Variants in CUX1 observed in about 807,000 individuals in gnomAD.
The protein encoded by CUX1 is protein CASP.
CUX1 carries 31 observed loss-of-function variants against 158.8 expected under a neutral mutation model. The ratio of observed to expected loss-of-function variants is 0.20; its 90% CI spans 0.15 to 0.26. CUX1 has a LOEUF of 0.26. CUX1 is among the 10% of genes least tolerant of loss of function. CUX1 has a pLI of 1.00. For synonymous variants in CUX1, 879 were observed against 862.1 expected (o/e 1.02, Z -0.34); for missense variants, 1,589 against 2,014.6 (o/e 0.79, Z 4.04).
chr7:101,829,023 A>C (rs1338744465), intron 1 of CUX1, among the ~76,000 whole-genome samples: 1 of 152,160 alleles, frequency 6.6e-6, no homozygotes, highest in Non-Finnish European at 1.5e-5. Context: ...CTTTAAGGTC[A>C]GTGGAAAAGT....
At chr7:102,067,229 CTTTTTTTTTT>C (rs34912215) in intron 3 of CUX1, among the ~76,000 whole-genome samples, 2 of 94,018 alleles carry the variant, frequency 2.1e-5, no homozygotes, top group Non-Finnish European at 3.9e-5. Context: ...TTTCATGTAA[CTTTTTTTTTT>C]TTTTTTTTTT....
At chr7:101,890,505 T>G (rs1318857187) in intron 1 of CUX1, among the ~76,000 whole-genome samples, 2 of 147,598 alleles carry the variant, frequency 1.4e-5, no homozygotes, top group African/African-American at 2.5e-5. Flanking sequence ...GCATGAGGGG[T>G]GCAAAGTGCT....
At chr7:101,990,487 C>T (rs895960328) in intron 2 of CUX1, among the ~76,000 whole-genome samples, 4 of 152,080 alleles carry the variant, frequency 2.6e-5, no homozygotes, top group South Asian at 2.1e-4. Flanking sequence ...AGCGATTCTC[C>T]TGCCTCAGCC....
At chr7:102,242,300 C>T (rs1800319411) in intron 23 of CUX1, among the ~76,000 whole-genome samples, 1 of 149,480 alleles carries the variant, frequency 6.7e-6, no homozygotes, top group Non-Finnish European at 1.5e-5. Context: ...CAACCTCTGC[C>T]TCCTAGGTTC....
chr7:102,166,833 A>C (rs189269135), intron 9 of CUX1, among the ~76,000 whole-genome samples: 1 of 152,226 alleles, frequency 6.6e-6, no homozygotes, highest in East Asian at 1.9e-4. Flanking sequence ...CTGAATAACT[A>C]TGTGATCAGA....
Position 102,210,288 on chromosome 7 carries a change from G to A in CUX1, c.3130+5118G>A, listed in dbSNP as rs182943779. ...ATTTTTGTATTTTTAATAGAGATGG[G>A]GTTTCACCATGTTGGCCAGGCTAGT... On this transcript the variant is annotated intron_variant, in intron 20 of 23. Coordinates refer to ENST00000292535, the MANE Select transcript of CUX1 (RefSeq NM_181552.4). 2.5e-3 allele frequency among the ~76,000 whole-genome samples: 383 copies of A among 152,194 alleles called. 1 individual carries two copies. The highest frequency in any genetic ancestry group is 8.5e-3 in the African/African-American group (353 of 41,524).
At chr7:102,211,557 C>T (rs549440909) in intron 20 of CUX1, among the ~76,000 whole-genome samples, 5 of 150,964 alleles carry the variant, frequency 3.3e-5, no homozygotes, top group African/African-American at 1.2e-4. Context: ...GAGGCAGGTG[C>T]ATCACCTGAC....
chr7:102,265,366 AAAAGAG>A (rs1790728503), intron 14 of CUX1, among the ~76,000 whole-genome samples: 1 of 151,444 alleles, frequency 6.6e-6, no homozygotes, highest in Non-Finnish European at 1.5e-5. Context: ...CAAAAAAAAA[AAAAGAG>A]AAAGAAAGAA....
intron 2 of CUX1, among the ~76,000 whole-genome samples, chr7:102,015,683 C>G (rs1818503141): frequency 6.6e-6 from 1 of 152,210 alleles, no homozygotes; most frequent in African/African-American, 2.4e-5. Context: ...TGGGATCAGA[C>G]TGTAAACAAG....
chr7:102,227,569 C>G lies in CUX1; in HGVS notation c.3333C>G (p.His1111Gln). Residue 1111 changes from histidine (H) to glutamine (Q), a missense_variant, in exon 21 of 24, where the codon CAC becomes CAG. By Grantham distance (24) the His-to-Gln change is conservative. Around this residue, in one of 8 missense-constraint regions of CUX1, gnomAD observed 259 missense variants for 373.8 expected, o/e 0.69. Coordinates refer to ENST00000292535, the MANE Select transcript of CUX1 (RefSeq NM_181552.4). Reference protein sequence around the residue: ...QPTTPLPLSGHSALSIQELVA... With the variant: ...QPTTPLPLSGQSALSIQELVA... The stretch of plus-strand genomic sequence containing the variant: ...CAACCCCGCTGCCTCTCTCCGGACA[C>G]TCGGCCCTCAGCATCCAAGAATTAG... 1 of 1,614,206 alleles carries G rather than the reference C, an allele frequency of 6.2e-7. No homozygotes were observed. The highest frequency in any genetic ancestry group is 8.5e-7 in the Non-Finnish European group (1 of 1,180,056).
chr7:102,128,757 C>T (rs1832913877), intron 8 of CUX1, among the ~76,000 whole-genome samples: 1 of 151,972 alleles, frequency 6.6e-6, no homozygotes, highest in Non-Finnish European at 1.5e-5. Flanking sequence ...GCAGGTGGAT[C>T]ACTTGAGGCC....
chr7:102,275,976 C>T (rs889742411), intron 17 of CUX1, among the ~76,000 whole-genome samples: 6 of 149,374 alleles, frequency 4.0e-5, no homozygotes, highest in Admixed American at 6.7e-5. Context: ...CGTGCCACTG[C>T]ACTCCAGCCT....
chr7:101,958,914 G>C (rs1810112011), intron 2 of CUX1, among the ~76,000 whole-genome samples: 1 of 138,580 alleles, frequency 7.2e-6, no homozygotes, highest in Non-Finnish European at 1.5e-5. Context: ...GACTCCAGTG[G>C]TACAGTCGTG....
At chr7:102,268,784 G>A (rs1475148359) in intron 14 of CUX1, among the ~76,000 whole-genome samples, 2 of 151,920 alleles carry the variant, frequency 1.3e-5, no homozygotes, top group South Asian at 2.1e-4. Context: ...ACATGGCGAG[G>A]CCAGGAGGAA....
chr7:102,056,907 G>GTT (rs35992811), intron 3 of CUX1, among the ~76,000 whole-genome samples: 3,168 of 142,796 alleles, frequency 0.022, 66 homozygotes, highest in African/African-American at 0.043. Context: ...TTGTTTTCTG[G>GTT]TTTTTTTTTT....
chr7:102,113,648 C>G (rs782347658), intron 7 of CUX1, among the ~76,000 whole-genome samples: 2 of 152,164 alleles, frequency 1.3e-5, no homozygotes, highest in African/African-American at 2.4e-5. Context: ...GCCTCAAACT[C>G]CTGGGCTGAA....
At chr7:102,132,328 C>CACGCGCGCACG (rs1379227055) in intron 8 of CUX1, among the ~76,000 whole-genome samples, 18 of 1,362 alleles carry the variant, frequency 0.013, no homozygotes, top group Non-Finnish European at 0.016. Context: ...CGCGCGCACG[C>CACGCGCGCACG]CACGCACACA....
chr7:102,273,603 C>A, intron 15 of CUX1: 1 of 1,352,306 alleles, frequency 7.4e-7, no homozygotes, highest in Non-Finnish European at 1.0e-6. Flanking sequence ...CTGGTGACAA[C>A]CCAGAAGGGC....
At chr7:101,821,703 G>A (rs1355304712) in intron 1 of CUX1, among the ~76,000 whole-genome samples, 1 of 41,618 alleles carries the variant, frequency 2.4e-5, no homozygotes, top group Non-Finnish European at 4.5e-5. Context: ...TTTTTGAGAC[G>A]TGGTTCTGTC....
Sources: gnomAD v4.1 joint callset for allele counts (sites outside exome capture counted in the v4.1 genomes callset) on GRCh38, gnomAD v4.1.1 for gene constraint, gnomAD v4.1.1 regional missense constraint, MANE v1.5 for transcripts, NCBI Gene and HGNC (gene_info 2026-07-23, HGNC 2026-07-21) for gene names.